The following ZNF385D variants were observed in gnomAD, a reference collection of about 807,000 sequenced individuals.
ZNF385D encodes the protein zinc finger protein 385D.
In ZNF385D, 15 loss-of-function variants were observed where a neutral mutation model predicts 35.8. That is an observed-to-expected ratio of 0.42 (90% CI 0.28 to 0.64). The LOEUF (loss-of-function observed/expected upper bound fraction) is 0.64. ZNF385D is among the 30% of genes least tolerant of loss of function. The pLI is 0.23. For missense variants in ZNF385D, 474 were observed against 494.6 expected (o/e 0.96, Z 0.39); for synonymous variants, 212 against 186.8 (o/e 1.13, Z -1.10).
At chr3:21,796,065 G>A (rs1266431025) in intron 3 of ZNF385D, among the ~76,000 whole-genome samples, 1 of 152,092 alleles carries the variant, frequency 6.6e-6, no homozygotes, top group Non-Finnish European at 1.5e-5. Context: ...TCTCCCACTT[G>A]GCATTTGGAT....
chr3:22,119,918 G>A (rs545191577), intron 3 of ZNF385D, among the ~76,000 whole-genome samples: 1 of 151,896 alleles, frequency 6.6e-6, no homozygotes, highest in African/African-American at 2.4e-5. Context: ...TATGACTTTG[G>A]TGATCCTCCT....
At chr3:22,300,493 G>C (rs1010335993) in intron 2 of ZNF385D, among the ~76,000 whole-genome samples, 1 of 151,462 alleles carries the variant, frequency 6.6e-6, no homozygotes, top group Admixed American at 6.6e-5. Context: ...AATCAACAGA[G>C]AAGAGACAAC....
At chr3:21,735,092 G>A (rs1000597386) in intron 1 of ZNF385D, among the ~76,000 whole-genome samples, 7 of 152,148 alleles carry the variant, frequency 4.6e-5, no homozygotes, top group Non-Finnish European at 8.8e-5. Flanking sequence ...CGAGTGCAGA[G>A]ATCTACCCAC....
intron 3 of ZNF385D, among the ~76,000 whole-genome samples, chr3:22,114,916 C>A (rs1702731432): frequency 6.6e-6 from 1 of 152,048 alleles, no homozygotes; most frequent in Non-Finnish European, 1.5e-5. Flanking sequence ...AGCCTTCCAC[C>A]ATGTGAAAGC....
intron 2 of ZNF385D, among the ~76,000 whole-genome samples, chr3:21,633,772 C>G (rs1262680360): frequency 6.6e-6 from 1 of 152,024 alleles, no homozygotes; most frequent in Non-Finnish European, 1.5e-5. Context: ...TGCCTATTTC[C>G]TCTAACTCCA....
At chr3:21,829,243 T>A (rs1694838305) in intron 3 of ZNF385D, among the ~76,000 whole-genome samples, 1 of 150,750 alleles carries the variant, frequency 6.6e-6, no homozygotes, top group Admixed American at 6.6e-5. Context: ...CAAAGGAGAG[T>A]GAGTAATTGG....
At chr3:22,372,027 C>T (rs1356693057) in intron 2 of ZNF385D, among the ~76,000 whole-genome samples, 2 of 152,184 alleles carry the variant, frequency 1.3e-5, no homozygotes, top group African/African-American at 4.8e-5. Context: ...GAGGAGGGAG[C>T]ACGCCTCGCA....
intron 3 of ZNF385D, among the ~76,000 whole-genome samples, chr3:22,030,276 T>TACAC (rs1697875837): frequency 9.7e-5 from 10 of 103,584 alleles, no homozygotes; most frequent in African/African-American, 2.8e-4. Context: ...TATATATATA[T>TACAC]ATATATATAT....
chr3:22,358,406 C>T (rs568073832), intron 2 of ZNF385D, among the ~76,000 whole-genome samples: 1 of 151,910 alleles, frequency 6.6e-6, no homozygotes, highest in South Asian at 2.1e-4. Context: ...GAACAAAATG[C>T]AACTTTGTTC....
chr3:21,974,944 C>T (rs1262068820), intron 3 of ZNF385D, among the ~76,000 whole-genome samples: 1 of 152,050 alleles, frequency 6.6e-6, no homozygotes, highest in Non-Finnish European at 1.5e-5. Context: ...AGAGGAAAAA[C>T]GGGAACCCTC....
intron 3 of ZNF385D, among the ~76,000 whole-genome samples, chr3:21,883,769 G>A (rs259559): frequency 0.13 from 19,561 of 152,002 alleles, 1,548 homozygotes; most frequent in Middle Eastern, 0.17. Flanking sequence ...TAGAATTTAT[G>A]TATGTGGAAA....
At chr3:21,897,651 G>C (rs557147725) in intron 3 of ZNF385D, among the ~76,000 whole-genome samples, 1 of 152,040 alleles carries the variant, frequency 6.6e-6, no homozygotes, top group Admixed American at 6.6e-5. Flanking sequence ...TTCCAGGTAA[G>C]CTATGAACCA....
intron 3 of ZNF385D, among the ~76,000 whole-genome samples, chr3:22,163,592 T>C (rs929696892): frequency 6.6e-6 from 1 of 152,214 alleles, no homozygotes; most frequent in Non-Finnish European, 1.5e-5. Context: ...TCACACAATA[T>C]TCAAATATCA....
chr3:22,074,863 A>G (rs1700390294), intron 3 of ZNF385D, among the ~76,000 whole-genome samples: 2 of 151,806 alleles, frequency 1.3e-5, no homozygotes, highest in South Asian at 2.1e-4. Context: ...TCACATCTTC[A>G]TGTGGACTTT....
At chr3:22,106,367 T>G (rs904422025) in intron 3 of ZNF385D, among the ~76,000 whole-genome samples, 1 of 151,898 alleles carries the variant, frequency 6.6e-6, no homozygotes, top group Non-Finnish European at 1.5e-5. Flanking sequence ...CATCTGCCCT[T>G]TGGTCACTGT....
At chr3:22,294,450 C>A (rs1173894078) in intron 2 of ZNF385D, among the ~76,000 whole-genome samples, 1 of 151,926 alleles carries the variant, frequency 6.6e-6, no homozygotes, top group African/African-American at 2.4e-5. Flanking sequence ...GGGTCCACCC[C>A]CGCATATTTA....
At chr3:21,925,682 T>G (rs67031262) in intron 3 of ZNF385D, among the ~76,000 whole-genome samples, 61,842 of 151,818 alleles carry the variant, frequency 0.41, 13,325 homozygotes, top group Non-Finnish European at 0.49. Context: ...AGATGTTGAG[T>G]GGATAACCTA....
At chr3:22,342,140 G>T (rs1031852015) in intron 2 of ZNF385D, among the ~76,000 whole-genome samples, 16 of 151,896 alleles carry the variant, frequency 1.1e-4, no homozygotes, top group Admixed American at 3.9e-4. Flanking sequence ...AGCCGGGCAT[G>T]GTGGCGGGAG....
At chr3:21,728,308 T>TAATAAG (rs2068852393) in intron 1 of ZNF385D, among the ~76,000 whole-genome samples, 1 of 143,120 alleles carries the variant, frequency 7.0e-6, no homozygotes, top group Non-Finnish European at 1.6e-5. Flanking sequence ...ATAATAATAA[T>TAATAAG]AATAAAAGCA....
Sources: gnomAD v4.1 joint callset for allele counts (sites outside exome capture counted in the v4.1 genomes callset) on GRCh38, gnomAD v4.1.1 for gene constraint, MANE v1.5 for transcripts, NCBI Gene and HGNC (gene_info 2026-07-23, HGNC 2026-07-21) for gene names.